FMNL2: variants seen among roughly 807,000 people sequenced by gnomAD.
FMNL2 encodes formin like 2.
Under a neutral mutation model 130.2 loss-of-function variants are expected in FMNL2, and 51 were observed. The ratio of observed to expected loss-of-function variants is 0.39; its 90% CI spans 0.31 to 0.49. The LOEUF is 0.49. Among genes scored for constraint, FMNL2 ranks in the 20% least tolerant of loss-of-function variants. The probability of loss-of-function intolerance (pLI) is 0.85; values close to 1 mark genes in which losing one functional copy is unlikely to be tolerated. For synonymous variants in FMNL2, 465 were observed against 467.1 expected (o/e 1.00, Z 0.06); for missense variants, 977 against 1,316.2 (o/e 0.74, Z 3.99).
chr2:152,400,205 G>A (rs1323588471), intron 1 of FMNL2, among the ~76,000 whole-genome samples: 1 of 152,216 alleles, frequency 6.6e-6, no homozygotes, highest in African/African-American at 2.4e-5. Context: ...AGCCGAGGCG[G>A]GCGGATCACT....
intron 16 of FMNL2, 75 bp from the exon 17 acceptor site, chr2:152,626,450 G>C (rs1273101318): frequency 1.6e-6 from 2 of 1,287,920 alleles, no homozygotes; most frequent in Admixed American, 5.1e-5. Flanking sequence ...TTTTGCTTAA[G>C]AAACTAACTG....
At chr2:152,525,024 A>G (rs972082341) in intron 2 of FMNL2, among the ~76,000 whole-genome samples, 1 of 152,098 alleles carries the variant, frequency 6.6e-6, no homozygotes, top group African/African-American at 2.4e-5. Flanking sequence ...TCTGTTTCCC[A>G]AGCCCCTTAT....
intron 4 of FMNL2, among the ~76,000 whole-genome samples, chr2:152,557,378 C>T (rs1695280389): frequency 6.6e-6 from 1 of 152,202 alleles, no homozygotes; most frequent in South Asian, 2.1e-4. Context: ...TATATGTTTA[C>T]AGGCAGCTAT....
At chr2:152,611,079 G>A (rs929140533) in intron 10 of FMNL2, among the ~76,000 whole-genome samples, 4 of 152,200 alleles carry the variant, frequency 2.6e-5, no homozygotes, top group Admixed American at 1.3e-4. Context: ...AGTGGGTCAT[G>A]CCTGTAATCC....
intron 1 of FMNL2, among the ~76,000 whole-genome samples, chr2:152,467,575 C>T (rs969650214): frequency 7.9e-5 from 12 of 152,066 alleles, no homozygotes; most frequent in Admixed American, 3.3e-4. Context: ...CTTTTGATGC[C>T]GTGCACTCGT....
chr2:152,411,579 C>T (rs1201154049), intron 1 of FMNL2, among the ~76,000 whole-genome samples: 1 of 152,136 alleles, frequency 6.6e-6, no homozygotes, highest in Non-Finnish European at 1.5e-5. Flanking sequence ...AAGAGCCAGC[C>T]AGTTATTTTT....
intron 2 of FMNL2, among the ~76,000 whole-genome samples, chr2:152,534,404 G>A (rs1693872622): frequency 6.6e-6 from 1 of 152,114 alleles, no homozygotes; most frequent in Non-Finnish European, 1.5e-5. Context: ...TTGAATTGAG[G>A]CCAATGGAGT....
In FMNL2 at chr2:152,335,554, C is replaced by T. The variant is rs1579414025; in HGVS notation, c.-50C>T. 2 of 1,491,096 alleles carry T rather than the reference C, an allele frequency of 1.3e-6. No individual in the cohort carries two copies. Among genetic ancestry groups the T allele is most frequent in the Non-Finnish European group, 9.1e-7 (1 of 1,097,428 alleles). The allele number at this position is 1,491,096 out of a possible 1,614,324, so 92.4% of individuals were successfully genotyped here. A position where few individuals can be genotyped will look rare whatever the true frequency, so the allele number is the denominator to read the frequency against. ...CGCCGGGAGCTGTTCTGATTTCCGA[C>T]GCGCACGCTAGGGGCCCGGAGCAGC... On this transcript the variant is annotated 5_prime_UTR_variant, in exon 1 of 26. It adds an upstream start codon to the 5' untranslated region. Transcript: ENST00000288670.
chr2:152,393,160 A>C (rs1287400068), intron 1 of FMNL2, among the ~76,000 whole-genome samples: 1 of 152,182 alleles, frequency 6.6e-6, no homozygotes, highest in Non-Finnish European at 1.5e-5. Context: ...TATGTAGTAC[A>C]TGTAAGACAC....
chr2:152,466,432 T>C (rs1418745971), intron 1 of FMNL2, among the ~76,000 whole-genome samples: 1 of 152,180 alleles, frequency 6.6e-6, no homozygotes, highest in Non-Finnish European at 1.5e-5. Context: ...CAAAGAAGTA[T>C]CTGGAATTCT....
In FMNL2 at chr2:152,647,895, T is replaced by C; in HGVS notation, c.3269T>C (p.Ile1090Thr). Residue 1090 changes from isoleucine to threonine, a missense_variant, in exon 26 of 26, where the codon ATA becomes ACA. Around this residue, in one of 4 missense-constraint regions of FMNL2, gnomAD observed 168 missense variants for 168.8 expected, o/e 1.00. Coordinates refer to ENST00000288670, the MANE Select transcript of FMNL2 (RefSeq NM_052905.4). ...QNLRSVNGAEITM is the reference protein window; with the variant it reads ...QNLRSVNGAETTM The stretch of plus-strand genomic sequence containing the variant: ...TTGCGTTCTGTTAATGGTGCCGAAA[T>C]AACAATGTGAACCTGAGACTGGCCT... The C allele has an allele frequency of 6.2e-7, 1 of 1,612,818 alleles. No homozygotes were observed. The highest frequency in any genetic ancestry group is 8.5e-7 in the Non-Finnish European group (1 of 1,179,320).
At chr2:152,423,366 A>G (rs1374641685) in intron 1 of FMNL2, among the ~76,000 whole-genome samples, 1 of 152,208 alleles carries the variant, frequency 6.6e-6, no homozygotes, top group Non-Finnish European at 1.5e-5. Flanking sequence ...GAAAAGGTAA[A>G]TAGATTGGCC....
At chr2:152,551,388 CT>C (rs1179929902) in intron 4 of FMNL2, among the ~76,000 whole-genome samples, 4 of 152,192 alleles carry the variant, frequency 2.6e-5, no homozygotes, top group Non-Finnish European at 5.9e-5. Flanking sequence ...TGCCCACCAT[CT>C]ATGTGAGGAA....
chr2:152,575,768 CAG>C (rs1238783509), intron 7 of FMNL2, among the ~76,000 whole-genome samples: 2 of 152,132 alleles, frequency 1.3e-5, no homozygotes, highest in African/African-American at 4.8e-5. Context: ...TGGATAGAGA[CAG>C]TGGTTCTCAA....
chr2:152,637,605 A>T lies in FMNL2; in HGVS notation c.2877A>T (p.Gly959=). The T allele has an allele frequency of 6.2e-7, 1 of 1,613,942 alleles. No individual in the cohort carries two copies. The highest frequency in any genetic ancestry group is 1.3e-5 in the African/African-American group (1 of 75,028). The part of the protein sequence containing the change: ...DAFDDVVKYF[G]ENPKTTPPSV... ...TTGATGATGTTGTGAAGTATTTTGG[A>T]GAAAACCCCAAGACAACACCACCCT... is the stretch of plus-strand genomic sequence containing the variant. The change falls in exon 23 of 26, where the codon GGA becomes GGT. Residue 959 remains glycine, a synonymous_variant. Coordinates refer to ENST00000288670, the MANE Select transcript of FMNL2 (RefSeq NM_052905.4).
chr2:152,507,383 T>C (rs1692231862), intron 1 of FMNL2, among the ~76,000 whole-genome samples: 2 of 152,216 alleles, frequency 1.3e-5, no homozygotes, highest in South Asian at 4.1e-4. Context: ...TGTATCATAT[T>C]CTGGTACTGA....
At chr2:152,634,935 T>C (rs1263945498) in intron 21 of FMNL2, among the ~76,000 whole-genome samples, 1 of 152,130 alleles carries the variant, frequency 6.6e-6, no homozygotes, top group African/African-American at 2.4e-5. Context: ...TCTTTTTTTT[T>C]TGATGCAAGT....
chr2:152,359,086 G>A (rs1683009713), intron 1 of FMNL2, among the ~76,000 whole-genome samples: 1 of 152,116 alleles, frequency 6.6e-6, no homozygotes, highest in Non-Finnish European at 1.5e-5. Flanking sequence ...TGCCATCTAG[G>A]AGCTTACAGT....
chr2:152,434,977 CACTCAACATCTAG>C (rs1188949098), intron 1 of FMNL2, among the ~76,000 whole-genome samples: 2 of 152,004 alleles, frequency 1.3e-5, no homozygotes, highest in Non-Finnish European at 1.5e-5. Context: ...CAGGCTCTAG[CACTCAACATCTAG>C]ATGGCATGGT....
Sources: allele counts gnomAD v4.1 joint callset (sites outside exome capture counted in the v4.1 genomes callset), GRCh38; gene constraint gnomAD v4.1.1; regional missense constraint gnomAD v4.1.1; transcripts MANE v1.5; gene names NCBI Gene and HGNC (gene_info 2026-07-23, HGNC 2026-07-21).